Variants in ANO1 observed in about 807,000 individuals in gnomAD.
ANO1 encodes anoctamin-1.
A neutral mutation model predicts 124.0 loss-of-function variants in ANO1; 59 were observed. That is an observed-to-expected ratio of 0.48 (90% CI 0.39 to 0.59). The LOEUF is 0.59. Ranked by LOEUF, ANO1 falls within the 20% of genes least tolerant of loss-of-function variation. The pLI, the probability that ANO1 is intolerant of heterozygous loss-of-function variation, is 0.00. For missense variants in ANO1, 1,059 were observed against 1,328.0 expected (o/e 0.80, Z 3.15); for synonymous variants, 529 against 532.0 (o/e 0.99, Z 0.08).
intron 21 of ANO1, chr11:70,170,170 A>G (rs2135758023): frequency 2.2e-6 from 1 of 455,626 alleles, no homozygotes; most frequent in African/African-American, 2.0e-5. Flanking sequence ...CCATGCAGGC[A>G]GGTCCCCCAG....
chr11:69,986,161 C>G (rs1233700166), exon 1 of ANO1: 2 of 152,352 alleles, frequency 1.3e-5, no homozygotes, highest in Non-Finnish European at 2.9e-5. Flanking sequence ...GAAGTCCCCA[C>G]AGTCGGTGAG....
chr11:70,065,567 C>T (rs1329042262), intron 1 of ANO1, among the ~76,000 whole-genome samples: 1 of 151,742 alleles, frequency 6.6e-6, no homozygotes, highest in Non-Finnish European at 1.5e-5. Flanking sequence ...CCTCTCTGCC[C>T]TTGTCCCCCG....
At position 70,105,497 on chromosome 11, in the gene ANO1, G is replaced by A. The variant is rs538387696; in HGVS notation, c.693-237G>A. 8.0e-4 allele frequency among the ~76,000 whole-genome samples: 122 copies of A among 152,300 alleles called. 1 individual carries two copies. Among genetic ancestry groups the A allele is most frequent in the African/African-American group, 2.4e-3 (99 of 41,576 alleles). On this transcript the variant is annotated intron_variant, in intron 4 of 25. Coordinates refer to ENST00000355303, the MANE Select transcript of ANO1 (RefSeq NM_018043.7). ...GCTGGAGGGTGGTCTGACCGTACTC[G>A]CCTCCTAGGTCACTTCCCACCTATG...
intron 1 of ANO1, among the ~76,000 whole-genome samples, chr11:70,058,692 G>A (rs1410117840): frequency 2.6e-5 from 4 of 152,168 alleles, no homozygotes; most frequent in East Asian, 1.9e-4. Flanking sequence ...AAGGACAGGC[G>A]CTAATTCTGA....
intron 18 of ANO1, among the ~76,000 whole-genome samples, chr11:70,162,539 G>A (rs1399025668): frequency 2.6e-5 from 4 of 152,230 alleles, no homozygotes; most frequent in South Asian, 2.1e-4. Flanking sequence ...AACCTTCCAC[G>A]CCTGGGCCCT....
At chr11:69,975,139 G>A in the ANO1 span, among the ~76,000 whole-genome samples, 605 of 152,210 alleles carry the variant, frequency 4.0e-3, 6 homozygotes, top group African/African-American at 0.014. Context: ...TGCTCTCTCC[G>A]GGTCAGAGGC....
intron 12 of ANO1, 84 bp downstream of exon 12, chr11:70,149,876 C>T (rs1176875734): frequency 6.8e-7 from 1 of 1,474,896 alleles, no homozygotes; most frequent in Non-Finnish European, 9.3e-7. Flanking sequence ...TACACGGAGG[C>T]CCGAGGTCAG....
At chr11:70,052,398 T>G (rs1857361536) in intron 1 of ANO1, among the ~76,000 whole-genome samples, 1 of 152,144 alleles carries the variant, frequency 6.6e-6, no homozygotes, top group Non-Finnish European at 1.5e-5. Context: ...CATTTCCACA[T>G]AAATTTCCAT....
chr11:70,163,067 T>C (rs1295857909), intron 18 of ANO1, among the ~76,000 whole-genome samples: 3 of 152,248 alleles, frequency 2.0e-5, no homozygotes, highest in Non-Finnish European at 4.4e-5. Context: ...AGTTCCTTTT[T>C]CTGACCCCTC....
chr11:70,143,403 G>A (rs1380385844), intron 11 of ANO1, among the ~76,000 whole-genome samples: 2 of 152,202 alleles, frequency 1.3e-5, no homozygotes, highest in Non-Finnish European at 2.9e-5. Flanking sequence ...AGTGAAGCCT[G>A]AGTAGTAGAG....
intron 5 of ANO1, chr11:70,108,109 T>G (rs1590752011): frequency 4.4e-6 from 2 of 452,198 alleles, no homozygotes; most frequent in Non-Finnish European, 8.0e-6. Context: ...CGTTGGGAGG[T>G]GAAAGATGGG....
chr11:70,155,169 G>T (rs1444281094), intron 14 of ANO1, among the ~76,000 whole-genome samples: 3 of 152,214 alleles, frequency 2.0e-5, no homozygotes, highest in Non-Finnish European at 4.4e-5. Flanking sequence ...GCAGAAAAGG[G>T]CTTTTGTGAC....
intron 22 of ANO1, among the ~76,000 whole-genome samples, chr11:70,174,998 A>C (rs962532104): frequency 5.9e-5 from 9 of 152,150 alleles, no homozygotes; most frequent in Non-Finnish European, 1.3e-4. Context: ...CAGGCAGCCG[A>C]CAGTACCCCA....
At chr11:70,184,618 G>C (rs1026416106) in intron 24 of ANO1, among the ~76,000 whole-genome samples, 2 of 152,238 alleles carry the variant, frequency 1.3e-5, no homozygotes, top group Non-Finnish European at 2.9e-5. Context: ...GGGCCAGGCC[G>C]GCTGCCTGAC....
chr11:70,116,409 C>A (rs747581961), intron 7 of ANO1, 49 bp from the exon 8 acceptor site: 1 of 1,555,628 alleles, frequency 6.4e-7, no homozygotes, highest in Non-Finnish European at 8.7e-7. Flanking sequence ...TGAGCGCCTC[C>A]AAAGCTCCAT....
chr11:70,023,438 A>G (rs1164878655), intron 1 of ANO1, among the ~76,000 whole-genome samples: 4 of 152,228 alleles, frequency 2.6e-5, no homozygotes, highest in African/African-American at 9.6e-5. Context: ...TTAGATGCCA[A>G]CACAATGAAT....
chr11:70,137,301 A>T (rs1412813476), intron 11 of ANO1, among the ~76,000 whole-genome samples: 1 of 145,314 alleles, frequency 6.9e-6, no homozygotes, highest in African/African-American at 2.4e-5. Context: ...CGGGAACTGA[A>T]GCCACATCTC....
chr11:70,049,622 G>A (rs1857318369), intron 1 of ANO1, among the ~76,000 whole-genome samples: 1 of 152,234 alleles, frequency 6.6e-6, no homozygotes, highest in Non-Finnish European at 1.5e-5. Flanking sequence ...TCCAGGAAGT[G>A]AGTGAATGAA....
In ANO1 at chr11:70,105,903, G is replaced by A. The variant is rs567035777; in HGVS notation, c.747+115G>A. ...GTGGAAGCCGGCTCTAATTGTCTGT[G>A]ACAGAAATAATTAGAATAATGAAAG... On this transcript the variant is annotated intron_variant, in intron 5 of 25. Coordinates refer to ENST00000355303, the MANE Select transcript of ANO1 (RefSeq NM_018043.7). The A allele has an allele frequency of 2.6e-4, 291 of 1,120,948 alleles. 2 individuals carry two copies. The highest frequency in any genetic ancestry group is 3.6e-4 in the Non-Finnish European group (277 of 762,792). The allele number at this position is 1,120,948 out of a possible 1,614,324, so 69.4% of individuals were successfully genotyped here.
Sources: allele counts gnomAD v4.1 joint callset (sites outside exome capture counted in the v4.1 genomes callset), GRCh38; gene constraint gnomAD v4.1.1; transcripts MANE v1.5; gene names NCBI Gene and HGNC (gene_info 2026-07-23, HGNC 2026-07-21).